The following RAB38 variants were observed in gnomAD, a reference collection of about 807,000 sequenced individuals.
The protein encoded by RAB38 is RAB38, member RAS oncogene family.
RAB38 carries 15 observed loss-of-function variants against 18.4 expected under a neutral mutation model. The observed-to-expected ratio is 0.82, with a 90% CI of 0.55 to 1.26. RAB38 has a LOEUF of 1.26. Ranked by LOEUF, RAB38 falls within the 50% of genes most tolerant of loss-of-function variation. RAB38 has a pLI of 0.00. For missense variants in RAB38, 294 were observed against 267.4 expected, an observed-to-expected ratio of 1.10 and a Z score of -0.69; for synonymous variants, 101 against 104.4, an observed-to-expected ratio of 0.97 and a Z score of 0.20.
the RAB38 span, among the ~76,000 whole-genome samples, chr11:88,036,086 C>A: frequency 1.3e-5 from 2 of 152,028 alleles, no homozygotes; most frequent in African/African-American, 2.4e-5. Flanking sequence ...TAGCTAGAAG[C>A]AAGATTATGA....
the RAB38 span, among the ~76,000 whole-genome samples, chr11:87,851,677 C>T: frequency 6.6e-6 from 1 of 152,094 alleles, no homozygotes; most frequent in African/African-American, 2.4e-5. Context: ...TTTAAAAACT[C>T]ATATGAGGTT....
At chr11:88,060,686 C>A in the RAB38 span, among the ~76,000 whole-genome samples, 1 of 151,982 alleles carries the variant, frequency 6.6e-6, no homozygotes, top group Non-Finnish European at 1.5e-5. Context: ...GTTTGTATAC[C>A]CTATATATTT....
At chr11:87,855,809 A>C in the RAB38 span, among the ~76,000 whole-genome samples, 20 of 150,966 alleles carry the variant, frequency 1.3e-4, no homozygotes, top group African/African-American at 4.3e-4. Context: ...CCTTTAAATA[A>C]ACATAAATAA....
chr11:87,938,516 T>C, the RAB38 span, among the ~76,000 whole-genome samples: 2 of 151,734 alleles, frequency 1.3e-5, no homozygotes, highest in East Asian at 3.9e-4. Context: ...CTGCTATGCG[T>C]AGGGGAGAGG....
chr11:87,950,756 C>G, the RAB38 span, among the ~76,000 whole-genome samples: 2 of 151,540 alleles, frequency 1.3e-5, no homozygotes, highest in Non-Finnish European at 2.9e-5. Context: ...GAGAGATCAG[C>G]TGTTAGTCTG....
intron 1 of RAB38, among the ~76,000 whole-genome samples, chr11:88,155,207 T>C (rs184026660): frequency 2.8e-4 from 43 of 152,304 alleles, no homozygotes; most frequent in East Asian, 1.4e-3. Context: ...GCCCCACCCA[T>C]TGTGGACCCC....
At chr11:88,013,409 C>A in the RAB38 span, among the ~76,000 whole-genome samples, 1 of 152,052 alleles carries the variant, frequency 6.6e-6, no homozygotes, top group Admixed American at 6.6e-5. Flanking sequence ...TAATAACATC[C>A]AAGGATGTGA....
the RAB38 span, among the ~76,000 whole-genome samples, chr11:88,103,518 G>A: frequency 1.3e-5 from 2 of 152,064 alleles, no homozygotes; most frequent in Admixed American, 6.6e-5. Context: ...AAGACAAGGC[G>A]TCTAAATAGT....
At chr11:87,907,663 T>C in the RAB38 span, among the ~76,000 whole-genome samples, 3 of 151,654 alleles carry the variant, frequency 2.0e-5, no homozygotes, top group East Asian at 5.8e-4. Context: ...TATTTAAATA[T>C]TTTAGTCACA....
chr11:88,158,174 A>C (rs1048176998), intron 1 of RAB38, among the ~76,000 whole-genome samples: 1 of 152,152 alleles, frequency 6.6e-6, no homozygotes, highest in Non-Finnish European at 1.5e-5. Flanking sequence ...ACACTAGAAA[A>C]TTTAGAGGAA....
At chr11:87,888,745 G>T in the RAB38 span, among the ~76,000 whole-genome samples, 8 of 151,828 alleles carry the variant, frequency 5.3e-5, no homozygotes, top group East Asian at 2.0e-4. Context: ...ATAAGCTGTG[G>T]TTTACATCAA....
chr11:87,962,219 G>C, the RAB38 span, among the ~76,000 whole-genome samples: 1 of 152,026 alleles, frequency 6.6e-6, no homozygotes, highest in South Asian at 2.1e-4. Context: ...AGGAAAAAAA[G>C]CATCTTTTAA....
chr11:88,084,666 C>T, the RAB38 span, among the ~76,000 whole-genome samples: 1 of 151,802 alleles, frequency 6.6e-6, no homozygotes, highest in Non-Finnish European at 1.5e-5. Flanking sequence ...TTTCTTCTCT[C>T]CTCATATAAC....
At chr11:87,889,821 G>GT in the RAB38 span, among the ~76,000 whole-genome samples, 32 of 150,212 alleles carry the variant, frequency 2.1e-4, no homozygotes, top group Admixed American at 1.1e-3. Flanking sequence ...TTTCTGTGTG[G>GT]TTTTTTTTTG....
At chr11:87,933,707 CAAA>C in the RAB38 span, among the ~76,000 whole-genome samples, 2 of 122,922 alleles carry the variant, frequency 1.6e-5, no homozygotes, top group Non-Finnish European at 3.6e-5. Flanking sequence ...TGCATGGAGC[CAAA>C]AAAAAAAAAA....
At chr11:88,147,309 A>G (rs1480803646) in intron 2 of RAB38, among the ~76,000 whole-genome samples, 1 of 152,210 alleles carries the variant, frequency 6.6e-6, no homozygotes, top group African/African-American at 2.4e-5. Context: ...GAATGAATGA[A>G]TGAATGAATA....
chr11:88,073,749 T>TA, the RAB38 span, among the ~76,000 whole-genome samples: 39 of 141,224 alleles, frequency 2.8e-4, no homozygotes, highest in South Asian at 9.7e-4. Flanking sequence ...AAATAGTAGT[T>TA]AAAAAAAAAA....
chr11:87,923,279 T>A, the RAB38 span, among the ~76,000 whole-genome samples: 1 of 151,920 alleles, frequency 6.6e-6, no homozygotes, highest in Non-Finnish European at 1.5e-5. Flanking sequence ...CATTTCCAAA[T>A]GCAATAGCTA....
At chr11:87,858,922 A>G in the RAB38 span, among the ~76,000 whole-genome samples, 1 of 150,442 alleles carries the variant, frequency 6.6e-6, no homozygotes, top group Non-Finnish European at 1.5e-5. Flanking sequence ...TGTCCACCTG[A>G]GTCCAAAAAA....
Sources: allele counts gnomAD v4.1 joint callset (sites outside exome capture counted in the v4.1 genomes callset), GRCh38; gene constraint gnomAD v4.1.1; transcripts MANE v1.5; gene names NCBI Gene and HGNC (gene_info 2026-07-23, HGNC 2026-07-21).